NDUFAF5: variants seen among roughly 807,000 people sequenced by gnomAD.
NDUFAF5 encodes the protein arginine-hydroxylase NDUFAF5, mitochondrial.
In NDUFAF5, 34 loss-of-function variants were observed where a neutral mutation model predicts 48.9. The ratio of observed to expected loss-of-function variants is 0.70; its 90% CI spans 0.53 to 0.93. The LOEUF is 0.93. Ranked by LOEUF, NDUFAF5 falls within the 40% of genes least tolerant of loss-of-function variation. NDUFAF5 has a pLI of 0.00. For missense variants in NDUFAF5, 428 were observed against 427.5 expected (o/e 1.00, Z -0.01); for synonymous variants, 153 against 150.6 (o/e 1.02, Z -0.12).
rs376550485 is a variant in NDUFAF5, at chr20:13,818,261, C to G, written c.*1051C>G. ...GTTACATTTTGAACTAATTATATAACAAACTTGCCCTTTGAAAGACTAAGT... is the reference window on the plus strand; with the variant it reads ...GTTACATTTTGAACTAATTATATAAGAAACTTGCCCTTTGAAAGACTAAGT... On this transcript the variant is annotated 3_prime_UTR_variant, in exon 11 of 11. Coordinates refer to ENST00000378106, the MANE Select transcript of NDUFAF5 (RefSeq NM_024120.5). 1.2e-3 allele frequency: 562 copies of G among 453,540 alleles called. 9 individuals are homozygous for G. The highest frequency in any genetic ancestry group is 8.5e-3 in the South Asian group (545 of 64,182). 28.1% of individuals were successfully genotyped at this position (453,540 alleles called of 1,614,324 possible).
In NDUFAF5 at chr20:13,793,214, C is replaced by T; in HGVS notation, c.362C>T (p.Ala121Val). The change falls in exon 4 of 11, where the codon GCA (alanine) becomes GTA (valine). Residue 121 changes from alanine to valine, a missense_variant. Coordinates refer to ENST00000378106, the MANE Select transcript of NDUFAF5 (RefSeq NM_024120.5). ...GGAAAGTTTTTCCAAGCTGACATTG[C>T]AGAAAATGCTTTGGTAGGTAGCTTT... ...TIGKFFQADI[A>V]ENALKNSSET... 6.2e-7 allele frequency: 1 copy of T among 1,613,670 alleles called. No homozygotes were observed. Among genetic ancestry groups the T allele is most frequent in the Non-Finnish European group, 8.5e-7 (1 of 1,179,778 alleles).
rs183618639 is a variant in NDUFAF5 at position 13,817,571 on chromosome 20, A to G, written c.*361A>G. On this transcript the variant is annotated 3_prime_UTR_variant, in exon 11 of 11. Transcript: ENST00000378106. ...TTTTCTTTGCCTTGAAGAGGAACAGATGAATATGCACCTTCTCCAGAGTTA... is the reference window on the plus strand; with the variant it reads ...TTTTCTTTGCCTTGAAGAGGAACAGGTGAATATGCACCTTCTCCAGAGTTA... 10 of 461,448 alleles carry G rather than the reference A, an allele frequency of 2.2e-5. No individual in the cohort carries two copies. The highest frequency in any genetic ancestry group is 6.8e-4 in the Middle Eastern group (1 of 1,464). 28.6% of individuals were successfully genotyped at this position (461,448 alleles called of 1,614,324 possible).
chr20:13,808,851 G>A lies in NDUFAF5; in HGVS notation c.727G>A (p.Glu243Lys). The change falls in exon 8 of 11, where the codon GAA becomes AAA. Residue 243 changes from glutamate to lysine, a missense_variant. By Grantham distance (56) the Glu-to-Lys change is moderately conservative. Transcript: ENST00000378106. The stretch of plus-strand genomic sequence containing the variant: ...TTTTCTTTTTAAATAGGACACTGAT[G>A]AAATTCAAGTTAACTATCCTGGAAT... ...GFNTLTVDTD[E>K]IQVNYPGMFE... The A allele has an allele frequency of 1.3e-6, 2 of 1,576,444 alleles. No homozygotes were observed. The highest frequency in any genetic ancestry group is 1.7e-6 in the Non-Finnish European group (2 of 1,146,044).
chr20:13,789,274 C>T (rs1322667009), intron 3 of NDUFAF5, among the ~76,000 whole-genome samples: 1 of 151,782 alleles, frequency 6.6e-6, no homozygotes, highest in South Asian at 2.1e-4. Flanking sequence ...GAACGATTCT[C>T]CTGCCGCAGC....
At chr20:13,796,066 T>A (rs939621309) in intron 5 of NDUFAF5, among the ~76,000 whole-genome samples, 9 of 152,184 alleles carry the variant, frequency 5.9e-5, no homozygotes, top group African/African-American at 2.2e-4. Flanking sequence ...TCCTGTCTTA[T>A]AGTCAAATAG....
chr20:13,802,256 C>T (rs1322815798), intron 7 of NDUFAF5, among the ~76,000 whole-genome samples: 1 of 152,154 alleles, frequency 6.6e-6, no homozygotes, highest in Admixed American at 6.5e-5. Flanking sequence ...GGTACGGTGA[C>T]GGGGTAGGAC....
chr20:13,788,328 T>C (rs1227735454), intron 2 of NDUFAF5, among the ~76,000 whole-genome samples: 1 of 152,158 alleles, frequency 6.6e-6, no homozygotes, highest in East Asian at 1.9e-4. Flanking sequence ...ATATCCTCAT[T>C]AAATCTGTTC....
At chr20:13,792,534 A>G (rs1282755627) in intron 3 of NDUFAF5, among the ~76,000 whole-genome samples, 1 of 152,194 alleles carries the variant, frequency 6.6e-6, no homozygotes, top group Non-Finnish European at 1.5e-5. Context: ...TGGATTATAA[A>G]CCAAACAACC....
chr20:13,788,463 GA>G, intron 2 of NDUFAF5, 125 bp from the exon 3 acceptor site: 1 of 738,684 alleles, frequency 1.4e-6, no homozygotes. Context: ...AGGTGAGGCT[GA>G]AAAGGCAGAT....
intron 6 of NDUFAF5, among the ~76,000 whole-genome samples, chr20:13,799,417 G>A (rs575873616): frequency 2.0e-5 from 3 of 152,206 alleles, no homozygotes; most frequent in South Asian, 2.1e-4. Context: ...CTGATGCCTC[G>A]GCTGGGCGTG....
At chr20:13,799,838 A>G (rs1447260525) in intron 6 of NDUFAF5, among the ~76,000 whole-genome samples, 1 of 152,194 alleles carries the variant, frequency 6.6e-6, no homozygotes, top group African/African-American at 2.4e-5. Flanking sequence ...TTAGGACTCT[A>G]CAAGGAAAGA....
intron 6 of NDUFAF5, among the ~76,000 whole-genome samples, chr20:13,799,072 C>T (rs1983705366): frequency 6.6e-6 from 1 of 152,096 alleles, no homozygotes; most frequent in South Asian, 2.1e-4. Context: ...AAGGCAGAAT[C>T]ACAGGATAGG....
At chr20:13,785,707 C>T (rs1251766591) in intron 1 of NDUFAF5, among the ~76,000 whole-genome samples, 2 of 151,834 alleles carry the variant, frequency 1.3e-5, no homozygotes, top group Non-Finnish European at 2.9e-5. Flanking sequence ...GTGACTAGTC[C>T]AATTGAGATG....
At chr20:13,809,394 TA>T (rs529424271) in intron 8 of NDUFAF5, among the ~76,000 whole-genome samples, 2 of 150,984 alleles carry the variant, frequency 1.3e-5, no homozygotes, top group Non-Finnish European at 3.0e-5. Flanking sequence ...AGCTGTGCTC[TA>T]AAAAAAAATG....
chr20:13,795,573 C>G (rs1983071872), intron 5 of NDUFAF5, among the ~76,000 whole-genome samples: 1 of 152,128 alleles, frequency 6.6e-6, no homozygotes, highest in South Asian at 2.1e-4. Context: ...AATCCCAACA[C>G]TTTGGGAGGC....
intron 3 of NDUFAF5, among the ~76,000 whole-genome samples, chr20:13,792,032 AC>A (rs1982365464): frequency 6.6e-6 from 1 of 152,204 alleles, no homozygotes; most frequent in South Asian, 2.1e-4. Flanking sequence ...GCAGTCCCCA[AC>A]CAAGAGCCAG....
rs1314249602 is a variant in NDUFAF5 at position 13,820,337 on chromosome 20, C to A, written c.*3127C>A. 1.3e-5 allele frequency: 2 copies of A among 152,056 alleles called. No individual in the cohort carries two copies. Among genetic ancestry groups the A allele is most frequent in the Non-Finnish European group, 2.9e-5 (2 of 68,016 alleles). 9.4% of individuals were successfully genotyped at this position (152,056 alleles called of 1,614,324 possible). A position where few individuals can be genotyped will look rare whatever the true frequency, so the allele number is the denominator to read the frequency against. ...GGAAGTTTATATATTTTTTCAAACT[C>A]TTTTAGTACCATTTTCATCCACTAG... On this transcript the variant is annotated 3_prime_UTR_variant, in exon 11 of 11. Coordinates refer to ENST00000378106, the MANE Select transcript of NDUFAF5 (RefSeq NM_024120.5).
intron 5 of NDUFAF5, among the ~76,000 whole-genome samples, chr20:13,796,560 C>T (rs1983247882): frequency 6.6e-6 from 1 of 152,168 alleles, no homozygotes; most frequent in African/African-American, 2.4e-5. Flanking sequence ...ACATTCAGTT[C>T]TGTCCTGGAA....
intron 1 of NDUFAF5, chr20:13,787,083 GTA>G (rs1555830128): frequency 3.8e-5 from 21 of 558,722 alleles, no homozygotes; most frequent in Non-Finnish European, 5.6e-5. Context: ...GTGTGTGTGT[GTA>G]TATGTATATT....
Sources: allele counts gnomAD v4.1 joint callset (sites outside exome capture counted in the v4.1 genomes callset), GRCh38; gene constraint gnomAD v4.1.1; transcripts MANE v1.5; gene names NCBI Gene and HGNC (gene_info 2026-07-23, HGNC 2026-07-21).